Variants in VCPIP1 observed in about 807,000 individuals in gnomAD.
VCPIP1 encodes valosin containing protein interacting protein 1.
VCPIP1 carries 8 observed loss-of-function variants against 85.0 expected under a neutral mutation model. That is an observed-to-expected ratio of 0.09 (90% CI 0.06 to 0.17). The LOEUF (loss-of-function observed/expected upper bound fraction) is 0.17, where lower values mean the gene tolerates loss of function less well. Ranked by LOEUF, VCPIP1 falls within the 10% of genes least tolerant of loss-of-function variation. The pLI is 1.00. For missense variants in VCPIP1, 1,070 were observed against 1,486.3 expected (o/e 0.72, Z 4.61); for synonymous variants, 543 against 544.5 (o/e 1.00, Z 0.04).
intron 2 of VCPIP1, among the ~76,000 whole-genome samples, chr8:66,641,015 T>C (rs969617191): frequency 1.2e-4 from 18 of 152,194 alleles, no homozygotes; most frequent in African/African-American, 4.3e-4. Flanking sequence ...TGTTAACACA[T>C]GCCCTCTGGG....
chr8:66,657,087 T>C (rs945023252), intron 1 of VCPIP1, among the ~76,000 whole-genome samples: 1 of 152,062 alleles, frequency 6.6e-6, no homozygotes, highest in African/African-American at 2.4e-5. Context: ...GTATTTCTAG[T>C]AGAGATAGGG....
rs190283390 is a variant in VCPIP1, at chr8:66,646,009, A to G, written c.2797+5449T>C. On this transcript the variant is annotated intron_variant, in intron 2 of 2. Transcript: ENST00000310421. ...CAAGATATCAACTGTCCCCAATTTG[A>G]TCTATACAGATGCTCCTCAACTTAC... 7.2e-5 allele frequency among the ~76,000 whole-genome samples: 11 copies of G among 152,162 alleles called. No individual in the cohort carries two copies. The East Asian group carries it at 2.1e-3, about 29-fold the overall frequency.
At chr8:66,658,445 C>G (rs889680522) in intron 1 of VCPIP1, among the ~76,000 whole-genome samples, 3 of 149,980 alleles carry the variant, frequency 2.0e-5, no homozygotes, top group African/African-American at 7.3e-5. Context: ...ATTCAGTTGT[C>G]ACCTAAAAAA....
In VCPIP1 at chr8:66,666,836, G is replaced by A. The variant is rs201814170; in HGVS notation, c.123C>T (p.Asp41=). Residue 41 remains aspartate (D), a synonymous_variant, in exon 1 of 3, where the codon GAC becomes GAT. Transcript: ENST00000310421. The surrounding 1 kb of genome is among the most constrained non-coding windows in gnomAD (Gnocchi z 6.3). ...GGCAGCTCCCGGAAAGGATTCTCCG[G>A]TCTCTCCGCTTCAAAAGCCCCCCCG... is the stretch of plus-strand genomic sequence containing the variant. ...AASGGLLKRR[D]RRILSGSCPD... is the part of the protein sequence containing the mutation. 10 of 1,613,606 alleles carry A rather than the reference G, an allele frequency of 6.2e-6. No homozygotes were observed. In the Middle Eastern group the frequency reaches 6.6e-4, roughly 106 times the overall value.
intron 1 of VCPIP1, among the ~76,000 whole-genome samples, chr8:66,659,084 T>G (rs1554585233): frequency 1.3e-5 from 2 of 152,068 alleles, no homozygotes. Context: ...AACTAGAAAC[T>G]TAATGAAATA....
intron 1 of VCPIP1, among the ~76,000 whole-genome samples, chr8:66,654,029 T>C (rs1282708952): frequency 6.6e-6 from 1 of 152,208 alleles, no homozygotes; most frequent in African/African-American, 2.4e-5. Context: ...ATAGTTTCAT[T>C]AACTCATCAC....
chr8:66,657,556 G>A (rs1288013444), intron 1 of VCPIP1, among the ~76,000 whole-genome samples: 4 of 152,058 alleles, frequency 2.6e-5, no homozygotes, highest in African/African-American at 7.2e-5. Flanking sequence ...TCCCCTTAAC[G>A]GTATATAGTC....
intron 2 of VCPIP1, among the ~76,000 whole-genome samples, chr8:66,640,867 G>A (rs115785196): frequency 0.026 from 4,030 of 152,190 alleles, 192 homozygotes; most frequent in African/African-American, 0.091. Flanking sequence ...CAATTTGTTC[G>A]TGCAACCTGA....
Position 66,644,024 on chromosome 8 carries a change from G to A in VCPIP1, c.2797+7434C>T, listed in dbSNP as rs981706967. Among the ~76,000 whole-genome samples the A allele has an allele frequency of 2.6e-5, 4 of 151,906 alleles. No homozygotes were observed. In the East Asian group the frequency reaches 7.7e-4, roughly 29 times the overall value. On this transcript the variant is annotated intron_variant, in intron 2 of 2. Transcript: ENST00000310421. ...ATACAGTTGATAACTTGGATGAAAT[G>A]GGCAGATTTCTTAAAAGACAAAACT...
At chr8:66,637,528 ACTGTTG>A in intron 2 of VCPIP1, among the ~76,000 whole-genome samples, 1 of 149,406 alleles carries the variant, frequency 6.7e-6, no homozygotes, top group South Asian at 2.1e-4. Flanking sequence ...CAACACAAAT[ACTGTTG>A]TGATACTTCT....
At chr8:66,663,354 T>C (rs1224224432) in intron 1 of VCPIP1, among the ~76,000 whole-genome samples, 1 of 152,098 alleles carries the variant, frequency 6.6e-6, no homozygotes, top group African/African-American at 2.4e-5. Flanking sequence ...CCAGATGACT[T>C]TTCTCGTTGA....
chr8:66,666,857 C>T lies in VCPIP1; in HGVS notation c.102G>A (p.Gly34=). Reference sequence around the variant, plus strand: ...TCCGGTCTCTCCGCTTCAAAAGCCCCCCCGAAGCAGCCGCCGACGCCAAGG... The same window carrying T: ...TCCGGTCTCTCCGCTTCAAAAGCCCTCCCGAAGCAGCCGCCGACGCCAAGG... The part of the protein sequence containing the change: ...PSSLASAAAS[G]GLLKRRDRRI... The change falls in exon 1 of 3, where the codon GGG becomes GGA. Residue 34 remains glycine, a synonymous_variant. Transcript: ENST00000310421. This position sits in a 1 kb window ranked among gnomAD's most constrained non-coding sequence, Gnocchi z 6.3. 2.5e-6 allele frequency: 4 copies of T among 1,613,302 alleles called. No homozygotes were observed. Among genetic ancestry groups the T allele is most frequent in the Non-Finnish European group, 3.4e-6 (4 of 1,179,926 alleles).
chr8:66,662,244 A>G (rs1318051891), intron 1 of VCPIP1, among the ~76,000 whole-genome samples: 5 of 152,228 alleles, frequency 3.3e-5, no homozygotes, highest in African/African-American at 1.2e-4. Flanking sequence ...GAACATGGAA[A>G]TCAGGCAAAG....
chr8:66,666,938 C>A lies in VCPIP1; in HGVS notation c.21G>T (p.Pro7=). 2 of 1,573,064 alleles carry A rather than the reference C, an allele frequency of 1.3e-6. No individual in the cohort carries two copies. Among genetic ancestry groups the A allele is most frequent in the Non-Finnish European group, 1.7e-6 (2 of 1,164,762 alleles). The part of the protein sequence containing the change: MSQPPP[P]PPPLPPPPPP... ...GAGGTGGCGGCGGCAACGGAGGCGG[C>A]GGCGGCGGCGGCTGAGACATAGCTC... Residue 7 remains proline (P), a synonymous_variant, in exon 1 of 3, where the codon CCG becomes CCT. Transcript: ENST00000310421. The surrounding 1 kb of genome is among the most constrained non-coding windows in gnomAD (Gnocchi z 6.3).
rs971074394 is a variant in VCPIP1 at position 66,666,428 on chromosome 8, A to C, written c.531T>G (p.Thr177=). 6.2e-7 allele frequency: 1 copy of C among 1,614,156 alleles called. No homozygotes were observed. The highest frequency in any genetic ancestry group is 8.5e-7 in the Non-Finnish European group (1 of 1,180,022). ...CGGAGCGGTCCTTGCCATAGCCCACAGTGTTAACATGCTCTGGTTCTATGA... is the reference window on the plus strand; with the variant it reads ...CGGAGCGGTCCTTGCCATAGCCCACCGTGTTAACATGCTCTGGTTCTATGA... ...AFLIEPEHVN[T]VGYGKDRSGS... is the part of the protein sequence containing the mutation. Residue 177 remains threonine (T), a synonymous_variant, in exon 1 of 3, where the codon ACT becomes ACG. Coordinates refer to ENST00000310421, the MANE Select transcript of VCPIP1 (RefSeq NM_025054.5). The surrounding 1 kb of genome is among the most constrained non-coding windows in gnomAD (Gnocchi z 6.3).
intron 1 of VCPIP1, among the ~76,000 whole-genome samples, chr8:66,661,786 T>C (rs573275127): frequency 1.3e-4 from 20 of 148,300 alleles, no homozygotes; most frequent in Non-Finnish European, 2.7e-4. Flanking sequence ...TTTTTTGAGA[T>C]ACAGTCTTGT....
At chr8:66,644,038 A>G (rs1276736323) in intron 2 of VCPIP1, among the ~76,000 whole-genome samples, 1 of 152,120 alleles carries the variant, frequency 6.6e-6, no homozygotes, top group Non-Finnish European at 1.5e-5. Flanking sequence ...AGATTTCTTA[A>G]AAGACAAAAC....
Position 66,664,517 on chromosome 8 carries a change from T to C in VCPIP1, c.2442A>G (p.Leu814=), listed in dbSNP as rs1811187518. 3.7e-6 allele frequency: 6 copies of C among 1,614,186 alleles called. No homozygotes were observed. In the East Asian group the frequency reaches 1.1e-4, roughly 30 times the overall value. ...GAGGAAACCCGTATCGAATACACTG[T>C]AAATATGGAGGAATGTTGAATTCTC... The part of the protein sequence containing the change: ...IAREFNIPPY[L]QCIRYGFPPK... Residue 814 remains leucine, a synonymous_variant, in exon 1 of 3, where the codon TTA becomes TTG. Coordinates refer to ENST00000310421, the MANE Select transcript of VCPIP1 (RefSeq NM_025054.5).
At chr8:66,653,573 C>G (rs1243033425) in intron 1 of VCPIP1, 1 of 152,096 alleles carries the variant, frequency 6.6e-6, no homozygotes, top group African/African-American at 2.4e-5. Flanking sequence ...TTGACTAGTC[C>G]AAACAAACAA....
Sources: gnomAD v4.1 joint callset for allele counts (sites outside exome capture counted in the v4.1 genomes callset) on GRCh38, gnomAD v4.1.1 for gene constraint, Gnocchi (gnomAD v3.1) non-coding constraint, MANE v1.5 for transcripts, NCBI Gene and HGNC (gene_info 2026-07-23, HGNC 2026-07-21) for gene names.